The following MTPN variants were observed in gnomAD, a reference collection of about 807,000 sequenced individuals.
The protein encoded by MTPN is granule cell differentiation protein.
In MTPN, 2 loss-of-function variants were observed where a neutral mutation model predicts 13.5. The observed-to-expected ratio is 0.15, with a 90% CI of 0.06 to 0.47. The LOEUF is 0.47. Ranked by LOEUF, MTPN falls within the 20% of genes least tolerant of loss-of-function variation. The probability of loss-of-function intolerance (pLI) is 0.97; values close to 1 mark genes in which losing one functional copy is unlikely to be tolerated. For missense variants in MTPN, 79 were observed against 137.9 expected (o/e 0.57, Z 2.14); for synonymous variants, 46 against 51.7 (o/e 0.89, Z 0.48).
chr7:135,945,413 C>T (rs900707272), intron 3 of MTPN, among the ~76,000 whole-genome samples: 3 of 152,134 alleles, frequency 2.0e-5, no homozygotes, highest in Admixed American at 2.0e-4. Flanking sequence ...AACACAAGTA[C>T]ACTGCACAGC....
chr7:135,973,889 G>A (rs1345637483), intron 1 of MTPN, among the ~76,000 whole-genome samples: 1 of 152,150 alleles, frequency 6.6e-6, no homozygotes, highest in Non-Finnish European at 1.5e-5. Context: ...CCTGAAAGAT[G>A]CCTAGTAAAA....
intron 3 of MTPN, among the ~76,000 whole-genome samples, chr7:135,945,064 G>A (rs1029327392): frequency 6.6e-6 from 1 of 152,094 alleles, no homozygotes; most frequent in African/African-American, 2.4e-5. Flanking sequence ...GTAACACGAT[G>A]GTAAGTATTT....
At chr7:135,942,592 A>T (rs1799231945) in intron 3 of MTPN, among the ~76,000 whole-genome samples, 1 of 152,232 alleles carries the variant, frequency 6.6e-6, no homozygotes. Context: ...GGATTAAAAA[A>T]ATATTTTATA....
intron 1 of MTPN, among the ~76,000 whole-genome samples, chr7:135,956,728 T>C (rs1057134879): frequency 7.2e-5 from 11 of 152,316 alleles, no homozygotes; most frequent in Admixed American, 5.9e-4. Flanking sequence ...TGTTTCTTTC[T>C]TTTCTTGACT....
intron 3 of MTPN, among the ~76,000 whole-genome samples, chr7:135,944,032 G>A (rs960887430): frequency 2.6e-5 from 4 of 152,002 alleles, no homozygotes; most frequent in Non-Finnish European, 2.9e-5. Context: ...ATAAGAATTC[G>A]TATTTCTATA....
At chr7:135,944,636 G>C (rs1306794699) in intron 3 of MTPN, among the ~76,000 whole-genome samples, 6 of 152,050 alleles carry the variant, frequency 3.9e-5, no homozygotes, top group Non-Finnish European at 7.4e-5. Flanking sequence ...GACAGAGGGA[G>C]ACTCTGTCTC....
At chr7:135,960,795 ACAGTC>A (rs1447591926) in intron 1 of MTPN, 2 of 151,896 alleles carry the variant, frequency 1.3e-5, no homozygotes, top group Non-Finnish European at 2.9e-5. Flanking sequence ...AATTCATGAA[ACAGTC>A]CATATTTTTT....
At chr7:135,970,100 G>C (rs1363289873) in intron 1 of MTPN, among the ~76,000 whole-genome samples, 1 of 152,160 alleles carries the variant, frequency 6.6e-6, no homozygotes, top group East Asian at 1.9e-4. Context: ...AGATGCACTG[G>C]AAACAAAATG....
intron 1 of MTPN, among the ~76,000 whole-genome samples, chr7:135,969,611 A>G (rs1011417463): frequency 1.3e-5 from 2 of 152,130 alleles, no homozygotes; most frequent in African/African-American, 4.8e-5. Context: ...ATGAAGTTCC[A>G]GAAGAGCAAA....
chr7:135,937,990 G>A (rs563367521), intron 3 of MTPN, among the ~76,000 whole-genome samples: 20 of 152,150 alleles, frequency 1.3e-4, no homozygotes, highest in African/African-American at 4.3e-4. Context: ...ATATGCTTCC[G>A]GTGAACAGTA....
chr7:135,950,478 T>C (rs1799349829), intron 3 of MTPN, 121 bp downstream of exon 3: 2 of 810,014 alleles, frequency 2.5e-6, no homozygotes, highest in Non-Finnish European at 4.1e-6. Context: ...ACACTTCAAT[T>C]TTGTATATTG....
Position 135,927,368 on chromosome 7 carries a change from G to T in MTPN, c.*2558C>A. ...ATAGATAACAGTCTGAAGCTGCAAG[G>T]GAGACTTTGTTAGTACACTACTATA... On this transcript the variant is annotated 3_prime_UTR_variant, in exon 4 of 4. Transcript: ENST00000393085. 3 of 1,550,486 alleles carry T rather than the reference G, an allele frequency of 1.9e-6. No individual in the cohort carries two copies. The highest frequency in any genetic ancestry group is 2.6e-6 in the Non-Finnish European group (3 of 1,145,996).
At chr7:135,976,632 T>C (rs913101191) in intron 1 of MTPN, among the ~76,000 whole-genome samples, 2 of 152,182 alleles carry the variant, frequency 1.3e-5, no homozygotes, top group African/African-American at 4.8e-5. Flanking sequence ...TTACTTCATT[T>C]AGTAATGGGT....
chr7:135,971,452 T>C (rs538259206), intron 1 of MTPN, among the ~76,000 whole-genome samples: 2 of 152,288 alleles, frequency 1.3e-5, no homozygotes, highest in South Asian at 2.1e-4. Context: ...CTCAATAATA[T>C]AGTACCCCCC....
intron 1 of MTPN, among the ~76,000 whole-genome samples, chr7:135,952,994 C>T (rs1230937303): frequency 1.3e-5 from 2 of 152,068 alleles, no homozygotes; most frequent in Non-Finnish European, 2.9e-5. Context: ...TTGTATTATT[C>T]ACTTAGCATA....
intron 1 of MTPN, among the ~76,000 whole-genome samples, chr7:135,957,298 A>C (rs1799456426): frequency 2.0e-5 from 3 of 152,228 alleles, no homozygotes; most frequent in Non-Finnish European, 4.4e-5. Context: ...AGAAACCATA[A>C]CATGCTTTAG....
intron 1 of MTPN, among the ~76,000 whole-genome samples, chr7:135,971,347 T>C (rs1042257332): frequency 1.3e-5 from 2 of 152,240 alleles, no homozygotes; most frequent in Non-Finnish European, 2.9e-5. Context: ...CACTCACCTG[T>C]AAGCATGTTG....
In MTPN at chr7:135,942,168, C is replaced by T. The variant is rs537504349; in HGVS notation, c.270+8431G>A. 1.4e-4 allele frequency among the ~76,000 whole-genome samples: 22 copies of T among 152,162 alleles called. 1 individual carries two copies. Among genetic ancestry groups the T allele is most frequent in the African/African-American group, 4.3e-4 (18 of 41,520 alleles). On this transcript the variant is annotated intron_variant, in intron 3 of 3. Coordinates refer to ENST00000393085, the MANE Select transcript of MTPN (RefSeq NM_145808.4). Reference sequence around the variant, plus strand: ...CCTCCCAAAGTGCTGGGATTACAGGCGTGAGCTACTGTGCCCGGCCGCTGT... The same window carrying T: ...CCTCCCAAAGTGCTGGGATTACAGGTGTGAGCTACTGTGCCCGGCCGCTGT...
chr7:135,940,547 C>G (rs994410846), intron 3 of MTPN, among the ~76,000 whole-genome samples: 1 of 152,168 alleles, frequency 6.6e-6, no homozygotes, highest in African/African-American at 2.4e-5. Context: ...TCACAGCAGT[C>G]CCCTGAAGTG....
Sources: allele counts gnomAD v4.1 joint callset (sites outside exome capture counted in the v4.1 genomes callset), GRCh38; gene constraint gnomAD v4.1.1; transcripts MANE v1.5; gene names NCBI Gene and HGNC (gene_info 2026-07-23, HGNC 2026-07-21).